FOXP2: variants seen among roughly 807,000 people sequenced by gnomAD.
The protein encoded by FOXP2 is forkhead box protein P2.
FOXP2 carries 12 observed loss-of-function variants against 115.8 expected under a neutral mutation model. The observed-to-expected ratio is 0.10, with a 90% CI of 0.07 to 0.17. FOXP2 has a LOEUF of 0.17. Ranked by LOEUF, FOXP2 falls within the 10% of genes least tolerant of loss-of-function variation. The pLI, the probability that FOXP2 is intolerant of heterozygous loss-of-function variation, is 1.00. For missense variants in FOXP2, 629 were observed against 843.5 expected (o/e 0.75, Z 3.15); for synonymous variants, 328 against 297.7 (o/e 1.10, Z -1.05).
chr7:114,169,937 G>C (rs1793094649), intron 1 of FOXP2, among the ~76,000 whole-genome samples: 1 of 152,116 alleles, frequency 6.6e-6, no homozygotes, highest in Non-Finnish European at 1.5e-5. Flanking sequence ...GATGTGACTT[G>C]CTTCCTTGCC....
At chr7:114,257,366 T>C (rs1291559985) in intron 1 of FOXP2, among the ~76,000 whole-genome samples, 2 of 151,928 alleles carry the variant, frequency 1.3e-5, no homozygotes, top group Non-Finnish European at 2.9e-5. Flanking sequence ...GGCAATACCA[T>C]TTAGGACATA....
rs1036500392 is a variant in FOXP2 at position 114,604,336 on chromosome 7, A to C, written c.259-24204A>C. ...CCCACGTGTTATATCATCACATTGG[A>C]GGTTAAGATTTCAAAATACAAATTT... On this transcript the variant is annotated intron_variant, in intron 3 of 16. Coordinates refer to ENST00000350908, the MANE Select transcript of FOXP2 (RefSeq NM_014491.4). 2.6e-5 allele frequency among the ~76,000 whole-genome samples: 4 copies of C among 152,252 alleles called. No homozygotes were observed. The East Asian group carries it at 7.7e-4, about 29-fold the overall frequency.
At chr7:114,619,320 A>G (rs1347401405) in intron 3 of FOXP2, among the ~76,000 whole-genome samples, 1 of 152,122 alleles carries the variant, frequency 6.6e-6, no homozygotes, top group Non-Finnish European at 1.5e-5. Flanking sequence ...AAACGGGCAT[A>G]TTTTCAATCC....
At chr7:114,545,762 T>C (rs1367595060) in intron 3 of FOXP2, among the ~76,000 whole-genome samples, 1 of 152,158 alleles carries the variant, frequency 6.6e-6, no homozygotes, top group Non-Finnish European at 1.5e-5. Flanking sequence ...CCTTCCCTTC[T>C]TTTTTCTCAA....
intron 1 of FOXP2, among the ~76,000 whole-genome samples, chr7:114,272,811 A>G (rs900036055): frequency 1.3e-5 from 2 of 151,888 alleles, no homozygotes; most frequent in Non-Finnish European, 2.9e-5. Flanking sequence ...TTCTGATATT[A>G]GTAATTTGTG....
chr7:114,583,913 T>C (rs1801992453), intron 3 of FOXP2, among the ~76,000 whole-genome samples: 1 of 152,218 alleles, frequency 6.6e-6, no homozygotes, highest in Admixed American at 6.5e-5. Flanking sequence ...TTTTCTCTTT[T>C]GCCCTTAACT....
intron 2 of FOXP2, among the ~76,000 whole-genome samples, chr7:114,481,775 T>C (rs557108537): frequency 6.7e-6 from 1 of 148,368 alleles, no homozygotes; most frequent in South Asian, 2.1e-4. Context: ...TATCTATCTA[T>C]CTATCTATCT....
chr7:114,300,054 ACACT>A (rs929919443), intron 2 of FOXP2, among the ~76,000 whole-genome samples: 3 of 151,996 alleles, frequency 2.0e-5, no homozygotes, highest in African/African-American at 7.2e-5. Flanking sequence ...ACACGTACAC[ACACT>A]CACACACACA....
intron 3 of FOXP2, 99 bp from the exon 4 acceptor site, chr7:114,628,441 C>T (rs1804712462): frequency 6.7e-7 from 1 of 1,500,422 alleles, no homozygotes; most frequent in Admixed American, 1.7e-5. Flanking sequence ...ATCATCAATG[C>T]TAAAGAATTT....
In FOXP2 at chr7:114,298,022, T is replaced by G. The variant is rs1796786475; in HGVS notation, c.-11+9913T>G. Among the ~76,000 whole-genome samples, 3 of 152,248 alleles carry G rather than the reference T, an allele frequency of 2.0e-5. No homozygotes were observed. The South Asian group carries it at 6.2e-4, about 32-fold the overall frequency. On this transcript the variant is annotated intron_variant, in intron 2 of 17. Transcript: ENST00000634411. ...CTATTCCTTTATCTAGAAGTACATC[T>G]TATTTGCTATGGACTCCAACCGTTT...
intron 2 of FOXP2, among the ~76,000 whole-genome samples, chr7:114,520,339 T>A (rs1798553561): frequency 6.6e-6 from 1 of 152,128 alleles, no homozygotes; most frequent in Admixed American, 6.6e-5. Context: ...AATAACTAGT[T>A]TTAAAGATAG....
intron 1 of FOXP2, among the ~76,000 whole-genome samples, chr7:114,421,823 G>T (rs1281669471): frequency 6.6e-6 from 1 of 151,686 alleles, no homozygotes; most frequent in African/African-American, 2.4e-5. Flanking sequence ...TAGCAAAGCA[G>T]TGCTGGATCT....
Position 114,415,262 on chromosome 7 carries a change from T to G in FOXP2, c.-109T>G, listed in dbSNP as rs1199149765. 4.4e-6 allele frequency: 2 copies of G among 453,792 alleles called. No individual in the cohort carries two copies. The highest frequency in any genetic ancestry group is 2.0e-5 in the African/African-American group (1 of 49,962). The allele number at this position is 453,792 out of a possible 1,614,324, so 28.1% of individuals were successfully genotyped here. A position where few individuals can be genotyped will look rare whatever the true frequency, so the allele number is the denominator to read the frequency against. Reference sequence around the variant, plus strand: ...AGTTTTCCCTTCTTTTTATACTGTTTTCTGTGCTGGCTTTTTTGAATCTTC... The same window carrying G: ...AGTTTTCCCTTCTTTTTATACTGTTGTCTGTGCTGGCTTTTTTGAATCTTC... On this transcript the variant is annotated 5_prime_UTR_variant, in exon 1 of 17. Transcript: ENST00000350908.
At chr7:114,404,410 C>T (rs576799982) in intron 2 of FOXP2, among the ~76,000 whole-genome samples, 74 of 152,116 alleles carry the variant, frequency 4.9e-4, no homozygotes, top group African/African-American at 1.8e-3. Flanking sequence ...GGTTACATAA[C>T]ACTTTATTGA....
At chr7:114,529,584 T>C (rs1799038585) in intron 2 of FOXP2, among the ~76,000 whole-genome samples, 1 of 151,856 alleles carries the variant, frequency 6.6e-6, no homozygotes, top group Admixed American at 6.6e-5. Flanking sequence ...TATCCACACA[T>C]TAATTTTCTA....
chr7:114,601,284 T>C (rs1227226611), intron 3 of FOXP2, among the ~76,000 whole-genome samples: 1 of 152,134 alleles, frequency 6.6e-6, no homozygotes, highest in Non-Finnish European at 1.5e-5. Flanking sequence ...TTGTCTTAAC[T>C]GTGTTTTGCA....
chr7:114,398,094 T>C (rs1792788612), intron 2 of FOXP2, among the ~76,000 whole-genome samples: 1 of 152,110 alleles, frequency 6.6e-6, no homozygotes, highest in Non-Finnish European at 1.5e-5. Context: ...GATATAGACC[T>C]TTAATTTTAA....
At chr7:114,443,041 C>A (rs1794678196) in intron 2 of FOXP2, among the ~76,000 whole-genome samples, 1 of 152,132 alleles carries the variant, frequency 6.6e-6, no homozygotes, top group Admixed American at 6.5e-5. Flanking sequence ...TTGGCTTCAA[C>A]CCACAGTTCA....
chr7:114,362,743 TA>T (rs925849028), intron 2 of FOXP2, among the ~76,000 whole-genome samples: 38 of 152,170 alleles, frequency 2.5e-4, no homozygotes, highest in Admixed American at 1.9e-3. Flanking sequence ...ATCGAACTTT[TA>T]AAAAAATATG....
Sources: allele counts gnomAD v4.1 joint callset (sites outside exome capture counted in the v4.1 genomes callset), GRCh38; gene constraint gnomAD v4.1.1; transcripts MANE v1.5; gene names NCBI Gene and HGNC (gene_info 2026-07-23, HGNC 2026-07-21).